Variants in ARHGEF4 observed in about 807,000 individuals in gnomAD.
ARHGEF4 encodes the protein APC-stimulated guanine nucleotide exchange factor 1.
Under a neutral mutation model 162.0 loss-of-function variants are expected in ARHGEF4, and 119 were observed. The observed-to-expected ratio is 0.73, with a 90% CI of 0.63 to 0.86. The LOEUF (loss-of-function observed/expected upper bound fraction) is 0.86, where lower values mean the gene tolerates loss of function less well. Among genes scored for constraint, ARHGEF4 ranks in the 40% least tolerant of loss-of-function variants. The pLI is 0.00. For missense variants in ARHGEF4, 2,488 were observed against 2,456.0 expected, an observed-to-expected ratio of 1.01 and a Z score of -0.28; for synonymous variants, 1,014 against 979.9, an observed-to-expected ratio of 1.03 and a Z score of -0.65.
chr2:130,837,668 G>A (rs758178734), intron 1 of ARHGEF4: 2 of 441,836 alleles, frequency 4.5e-6, no homozygotes, highest in South Asian at 1.6e-5. Context: ...GTCAGGGGTG[G>A]CCGGCCACAG....
At chr2:131,019,522 C>T (rs1394869667) in intron 4 of ARHGEF4, among the ~76,000 whole-genome samples, 3 of 149,294 alleles carry the variant, frequency 2.0e-5, no homozygotes, top group Admixed American at 6.7e-5. Context: ...GAACATGGGA[C>T]GTCTTTCTTT....
At chr2:131,010,391 C>T (rs1477061857) in intron 4 of ARHGEF4, among the ~76,000 whole-genome samples, 1 of 152,142 alleles carries the variant, frequency 6.6e-6, no homozygotes. Flanking sequence ...TTTTGTTGTG[C>T]TTTTTTCCCA....
chr2:130,938,170 T>C (rs1367635854), intron 3 of ARHGEF4, among the ~76,000 whole-genome samples: 1 of 152,198 alleles, frequency 6.6e-6, no homozygotes, highest in African/African-American at 2.4e-5. Context: ...TGTTTTCATT[T>C]CTCTAGGGTA....
intron 4 of ARHGEF4, among the ~76,000 whole-genome samples, chr2:131,014,547 C>G (rs1340928964): frequency 6.6e-6 from 1 of 152,206 alleles, no homozygotes; most frequent in East Asian, 1.9e-4. Context: ...AATCCATGAA[C>G]ACAGAATGTC....
chr2:130,910,955 T>G (rs1559033379), intron 1 of ARHGEF4, among the ~76,000 whole-genome samples: 1 of 152,252 alleles, frequency 6.6e-6, no homozygotes, highest in Non-Finnish European at 1.5e-5. Context: ...GAAGGGACAC[T>G]GTGTCCTCAC....
intron 1 of ARHGEF4, among the ~76,000 whole-genome samples, chr2:130,868,736 T>C (rs1487764910): frequency 6.6e-6 from 1 of 152,174 alleles, no homozygotes; most frequent in Non-Finnish European, 1.5e-5. Flanking sequence ...ACAAATATTA[T>C]GACTTAAAAT....
At chr2:130,929,484 C>A (rs545238266) in intron 2 of ARHGEF4, among the ~76,000 whole-genome samples, 1 of 152,220 alleles carries the variant, frequency 6.6e-6, no homozygotes, top group Non-Finnish European at 1.5e-5. Context: ...AATTCTTATG[C>A]AAAATACTGT....
chr2:131,017,468 G>C (rs1688843097), intron 4 of ARHGEF4, among the ~76,000 whole-genome samples: 1 of 152,204 alleles, frequency 6.6e-6, no homozygotes, highest in Non-Finnish European at 1.5e-5. Flanking sequence ...AGTACTGGGA[G>C]ACTCATGTTG....
intron 4 of ARHGEF4, among the ~76,000 whole-genome samples, chr2:130,959,006 A>G (rs2105183221): frequency 6.7e-6 from 1 of 150,302 alleles, no homozygotes; most frequent in Non-Finnish European, 1.5e-5. Flanking sequence ...CAGTGGCATG[A>G]TCTTGGCTCA....
intron 4 of ARHGEF4, among the ~76,000 whole-genome samples, chr2:130,988,346 T>C (rs1050969576): frequency 6.6e-6 from 1 of 152,228 alleles, no homozygotes; most frequent in African/African-American, 2.4e-5. Context: ...CCAGAAAGTG[T>C]CTGCCTCAGC....
intron 4 of ARHGEF4, among the ~76,000 whole-genome samples, chr2:131,024,851 A>G (rs993214240): frequency 6.6e-6 from 1 of 152,186 alleles, no homozygotes; most frequent in African/African-American, 2.4e-5. Context: ...TGAATATACA[A>G]CGTTCCTTAT....
At chr2:130,978,464 T>G (rs1208341165) in intron 4 of ARHGEF4, among the ~76,000 whole-genome samples, 1 of 152,210 alleles carries the variant, frequency 6.6e-6, no homozygotes, top group African/African-American at 2.4e-5. Flanking sequence ...TCACACAAAG[T>G]GCAACAAGAA....
At chr2:130,865,650 G>A (rs1682218643) in intron 1 of ARHGEF4, among the ~76,000 whole-genome samples, 1 of 152,156 alleles carries the variant, frequency 6.6e-6, no homozygotes, top group Non-Finnish European at 1.5e-5. Flanking sequence ...TCTGATCCTC[G>A]CGGAAAAAGT....
intron 1 of ARHGEF4, among the ~76,000 whole-genome samples, chr2:130,839,525 C>T (rs1166826212): frequency 2.0e-5 from 3 of 152,294 alleles, no homozygotes; most frequent in African/African-American, 7.2e-5. Flanking sequence ...TGCTTGGGCA[C>T]GTTGGGCACC....
rs762557817 is a variant in ARHGEF4 at position 131,045,575 on chromosome 2, C to T, written c.5479+129C>T. ...GAGGGGGGCCCACTGCCCTTTGCAGCTGTTTGTTCCCAAAGGTTGGTAATA... is the reference window on the plus strand; with the variant it reads ...GAGGGGGGCCCACTGCCCTTTGCAGTTGTTTGTTCCCAAAGGTTGGTAATA... On this transcript the variant is annotated intron_variant, in intron 13 of 13. Transcript: ENST00000409359. 1.9e-6 allele frequency: 3 copies of T among 1,599,186 alleles called. No individual in the cohort carries two copies. In the African/African-American group the frequency reaches 4.0e-5, roughly 21 times the overall value.
intron 1 of ARHGEF4, among the ~76,000 whole-genome samples, chr2:130,913,242 C>A (rs953748352): frequency 2.6e-5 from 4 of 151,976 alleles, no homozygotes; most frequent in African/African-American, 7.3e-5. Flanking sequence ...AGGGGCAGGG[C>A]CTTTTTGGGG....
chr2:130,970,574 A>G (rs1328148777), intron 4 of ARHGEF4, among the ~76,000 whole-genome samples: 2 of 139,904 alleles, frequency 1.4e-5, no homozygotes, highest in Non-Finnish European at 1.5e-5. Flanking sequence ...GGGCAACAAG[A>G]GTGAAACTCC....
chr2:130,902,873 A>G (rs1680570155), intron 1 of ARHGEF4, among the ~76,000 whole-genome samples: 2 of 152,066 alleles, frequency 1.3e-5, no homozygotes, highest in African/African-American at 4.8e-5. Context: ...TCTAAAACCC[A>G]AGAAGAGATG....
intron 4 of ARHGEF4, among the ~76,000 whole-genome samples, chr2:130,971,100 A>G (rs974002679): frequency 6.6e-6 from 1 of 152,202 alleles, no homozygotes; most frequent in Admixed American, 6.5e-5. Context: ...TTAAGGTTCA[A>G]GATAAGAGTG....
Sources: gnomAD v4.1 joint callset for allele counts (sites outside exome capture counted in the v4.1 genomes callset) on GRCh38, gnomAD v4.1.1 for gene constraint, MANE v1.5 for transcripts, NCBI Gene and HGNC (gene_info 2026-07-23, HGNC 2026-07-21) for gene names.